The following HS6ST2 variants were observed in gnomAD, a reference collection of about 807,000 sequenced individuals.
HS6ST2 encodes the protein heparan-sulfate 6-O-sulfotransferase 2.
HS6ST2 carries 17 observed loss-of-function variants against 33.0 expected under a neutral mutation model. That is an observed-to-expected ratio of 0.52 (90% confidence interval 0.35 to 0.77). The LOEUF (loss-of-function observed/expected upper bound fraction) is 0.77, where lower values mean the gene tolerates loss of function less well. HS6ST2 is among the 30% of genes least tolerant of loss of function. The pLI is 0.01. For missense variants in HS6ST2, 519 were observed against 551.7 expected (o/e 0.94, Z 0.59); for synonymous variants, 248 against 237.1 (o/e 1.05, Z -0.42).
At chrX:132,957,407 G>A in intron 1 of HS6ST2, 81 bp from the exon 2 acceptor site, 1 of 1,023,589 alleles carries the variant, frequency 9.8e-7, no homozygotes, top group Non-Finnish European at 1.3e-6. Flanking sequence ...CCCTTCCCCT[G>A]GAGCCGCTGC....
At chrX:132,807,888 G>A (rs969181925) in intron 2 of HS6ST2, among the ~76,000 whole-genome samples, 1 of 111,919 alleles carries the variant, frequency 8.9e-6, no homozygotes, top group African/African-American at 3.2e-5. Context: ...CAGAAGGCTG[G>A]GAGAAACTCA....
intron 2 of HS6ST2, among the ~76,000 whole-genome samples, chrX:132,783,376 T>C (rs2065031349): frequency 8.9e-6 from 1 of 111,862 alleles, no homozygotes. Flanking sequence ...GTGTGATAGA[T>C]GGAGAGGGTG....
At chrX:132,863,741 C>A (rs151321060) in intron 2 of HS6ST2, among the ~76,000 whole-genome samples, 1 of 111,606 alleles carries the variant, frequency 9.0e-6, no homozygotes, top group African/African-American at 3.3e-5. Flanking sequence ...GGAGTTTCTA[C>A]CCAAGAGACT....
rs1198293078 is a variant in HS6ST2 at position 132,776,160 on chromosome X, G to A, written c.948-67666C>T. Reference sequence around the variant, plus strand: ...AATACATTGCCATATTATTGGAGGAGAGAAAGTGCCGGCAAAATTGATTGA... The same window carrying A: ...AATACATTGCCATATTATTGGAGGAAAGAAAGTGCCGGCAAAATTGATTGA... On this transcript the variant is annotated intron_variant, in intron 2 of 4. Transcript: ENST00000370833. 3.6e-5 allele frequency among the ~76,000 whole-genome samples: 4 copies of A among 112,040 alleles called. No individual in the cohort carries two copies. In the East Asian group the frequency reaches 1.1e-3, roughly 31 times the overall value.
At chrX:132,726,612 A>G (rs1451626449) in intron 2 of HS6ST2, among the ~76,000 whole-genome samples, 4 of 112,299 alleles carry the variant, frequency 3.6e-5, no homozygotes, top group African/African-American at 1.3e-4. Flanking sequence ...ATTTCTGAAC[A>G]TCTTCAGTCA....
intron 2 of HS6ST2, among the ~76,000 whole-genome samples, chrX:132,788,027 C>A (rs2065083667): frequency 9.0e-6 from 1 of 111,440 alleles, no homozygotes; most frequent in Non-Finnish European, 1.9e-5. Context: ...TATTGAATAA[C>A]CTTTGAAGTC....
At chrX:132,911,080 G>A (rs1380667641) in intron 2 of HS6ST2, among the ~76,000 whole-genome samples, 4 of 108,139 alleles carry the variant, frequency 3.7e-5, no homozygotes, top group African/African-American at 1.4e-4. Context: ...AACTCGGGAG[G>A]CAGAGGTTGC....
intron 2 of HS6ST2, among the ~76,000 whole-genome samples, chrX:132,855,341 C>T (rs1467604108): frequency 8.9e-6 from 1 of 112,054 alleles, no homozygotes. Context: ...AGGCATTATG[C>T]CTATTTTAAG....
intron 2 of HS6ST2, among the ~76,000 whole-genome samples, chrX:132,923,102 G>A (rs1245432604): frequency 9.2e-6 from 1 of 109,094 alleles, no homozygotes; most frequent in Admixed American, 9.9e-5. Context: ...TTGACAACTG[G>A]TTGAGTTTAT....
At chrX:132,832,986 G>A (rs1381004808) in intron 2 of HS6ST2, among the ~76,000 whole-genome samples, 1 of 111,247 alleles carries the variant, frequency 9.0e-6, no homozygotes, top group African/African-American at 3.3e-5. Flanking sequence ...ATTATTCCCA[G>A]ACCCTGGCAA....
At chrX:132,716,724 G>T (rs1194905746) in intron 2 of HS6ST2, among the ~76,000 whole-genome samples, 1 of 112,258 alleles carries the variant, frequency 8.9e-6, no homozygotes, top group Non-Finnish European at 1.9e-5. Context: ...AACAGGGCCT[G>T]CTTTCTGTTA....
At chrX:132,642,982 C>G (rs1206414437) in intron 4 of HS6ST2, among the ~76,000 whole-genome samples, 1 of 112,084 alleles carries the variant, frequency 8.9e-6, no homozygotes, top group Non-Finnish European at 1.9e-5. Context: ...CAGTTGCCCT[C>G]ATCATCCCTT....
At chrX:132,930,298 A>G (rs988382589) in intron 2 of HS6ST2, among the ~76,000 whole-genome samples, 1 of 110,944 alleles carries the variant, frequency 9.0e-6, no homozygotes, top group Non-Finnish European at 1.9e-5. Context: ...AGTAGCTGGG[A>G]TTACAGACAT....
intron 2 of HS6ST2, among the ~76,000 whole-genome samples, chrX:132,801,982 G>C (rs1315926411): frequency 1.8e-5 from 2 of 112,134 alleles, no homozygotes; most frequent in African/African-American, 6.5e-5. Context: ...GAAGCTGTAA[G>C]GTAAATGGTG....
chrX:132,879,294 T>C (rs766303262), intron 2 of HS6ST2, among the ~76,000 whole-genome samples: 1 of 111,386 alleles, frequency 9.0e-6, no homozygotes, highest in African/African-American at 3.3e-5. Context: ...TGAGCTAAGA[T>C]TGAAAATGCT....
rs1028978080 is a variant in HS6ST2, at chrX:132,816,366, G to A, written c.948-107872C>T. 1.9e-4 allele frequency among the ~76,000 whole-genome samples: 21 copies of A among 111,880 alleles called. No individual in the cohort carries two copies. In the Admixed American group the frequency reaches 2.0e-3, roughly 11 times the overall value. ...CAATGTTCACTGCTATGCTGCCCAC[G>A]AACAGATTAAACTAGTCCCCAAGAT... On this transcript the variant is annotated intron_variant, in intron 2 of 4. Coordinates refer to ENST00000370833, the MANE Select transcript of HS6ST2 (RefSeq NM_001394073.1).
intron 2 of HS6ST2, among the ~76,000 whole-genome samples, chrX:132,758,627 C>A (rs188574080): frequency 4.5e-5 from 5 of 111,807 alleles, no homozygotes; most frequent in Admixed American, 2.8e-4. Flanking sequence ...ACATTGATTG[C>A]CAAGTAGCCT....
At chrX:132,799,838 G>T (rs1300413412) in intron 2 of HS6ST2, among the ~76,000 whole-genome samples, 1 of 111,882 alleles carries the variant, frequency 8.9e-6, no homozygotes, top group Non-Finnish European at 1.9e-5. Flanking sequence ...GTGATTCAAT[G>T]AAGTAATGTG....
At chrX:132,810,391 G>A (rs1312873388) in intron 2 of HS6ST2, among the ~76,000 whole-genome samples, 1 of 104,153 alleles carries the variant, frequency 9.6e-6, no homozygotes, top group African/African-American at 3.6e-5. Context: ...GGGTGACAGT[G>A]AGATCATGAG....
Sources: gnomAD v4.1 joint callset for allele counts (sites outside exome capture counted in the v4.1 genomes callset) on GRCh38, gnomAD v4.1.1 for gene constraint, MANE v1.5 for transcripts, NCBI Gene and HGNC (gene_info 2026-07-23, HGNC 2026-07-21) for gene names.